Variants in KIF18B observed in about 807,000 individuals in gnomAD.
KIF18B encodes the protein kinesin family member 18B.
A neutral mutation model predicts 80.9 loss-of-function variants in KIF18B; 49 were observed. The observed-to-expected ratio is 0.61, with a 90% CI of 0.48 to 0.77. The LOEUF (loss-of-function observed/expected upper bound fraction) is 0.77. Among genes scored for constraint, KIF18B ranks in the 30% least tolerant of loss-of-function variants. The probability of loss-of-function intolerance (pLI) is 0.00; values close to 1 mark genes in which losing one functional copy is unlikely to be tolerated. For synonymous variants in KIF18B, 439 were observed against 463.9 expected (o/e 0.95, Z 0.69); for missense variants, 994 against 1,127.7 (o/e 0.88, Z 1.70).
chr17:44,928,661 C>T (rs1360970510), intron 12 of KIF18B, 83 bp from the exon 13 acceptor site: 1 of 1,400,598 alleles, frequency 7.1e-7, no homozygotes. Flanking sequence ...CTCAGGTCTC[C>T]TGGGGCCTCT....
intron 1 of KIF18B, among the ~76,000 whole-genome samples, chr17:44,946,214 CTTTT>C (rs1210879489): frequency 6.6e-6 from 1 of 152,080 alleles, no homozygotes; most frequent in African/African-American, 2.4e-5. Context: ...TACATGGATA[CTTTT>C]TTTAACTTCT....
rs375770975 is a variant in KIF18B, at chr17:44,925,825, C to A, written c.*255G>T. On this transcript the variant is annotated 3_prime_UTR_variant, in exon 16 of 16. Transcript: ENST00000593135. The stretch of plus-strand genomic sequence containing the variant: ...ACAAAAACCACCAAAAAACAAAAAA[C>A]AGCAGCACATTAACACTCACAAATG... 1 of 524,368 alleles carries A rather than the reference C, an allele frequency of 1.9e-6. No individual in the cohort carries two copies. Among genetic ancestry groups the A allele is most frequent in the East Asian group, 3.5e-5 (1 of 28,726 alleles). The allele number at this position is 524,368 out of a possible 1,614,324, so 32.5% of individuals were successfully genotyped here. A position where few individuals can be genotyped will look rare whatever the true frequency, so the allele number is the denominator to read the frequency against.
chr17:44,926,953 C>T (rs999360329), intron 14 of KIF18B, 36 bp downstream of exon 14: 9 of 1,562,618 alleles, frequency 5.8e-6, no homozygotes, highest in Middle Eastern at 3.4e-4. Flanking sequence ...AGAGCGAGCT[C>T]CTTCTCCCAG....
chr17:44,936,396 C>T (rs1008984782), intron 1 of KIF18B, 38 bp from the exon 2 acceptor site: 3 of 1,542,636 alleles, frequency 1.9e-6, no homozygotes, highest in African/African-American at 1.4e-5. Context: ...CCAATCCCAC[C>T]CCAGGCCTGA....
At chr17:44,936,598 CTATA>C (rs1218900628) in intron 1 of KIF18B, among the ~76,000 whole-genome samples, 1,559 of 27,594 alleles carry the variant, frequency 0.056, 50 homozygotes, top group Non-Finnish European at 0.067. Context: ...CTCTCTCTCT[CTATA>C]TATATATATA....
At chr17:44,947,077 C>T (rs2052524067) in intron 1 of KIF18B, among the ~76,000 whole-genome samples, 1 of 135,168 alleles carries the variant, frequency 7.4e-6, no homozygotes, top group African/African-American at 2.9e-5. Flanking sequence ...CCATTGCACT[C>T]CAGCCTGGGA....
chr17:44,941,573 A>T (rs1004583948), intron 1 of KIF18B, among the ~76,000 whole-genome samples: 17 of 152,138 alleles, frequency 1.1e-4, no homozygotes, highest in African/African-American at 4.1e-4. Context: ...CCCTGACCTC[A>T]GGTGATCCGC....
chr17:44,935,936 G>T, intron 2 of KIF18B, 96 bp downstream of exon 2: 2 of 1,097,796 alleles, frequency 1.8e-6, no homozygotes, highest in South Asian at 1.4e-5. Context: ...TGCCCAGCTT[G>T]GGGGAGGCGG....
At chr17:44,933,252 G>A (rs376769527) in intron 7 of KIF18B, among the ~76,000 whole-genome samples, 3 of 152,138 alleles carry the variant, frequency 2.0e-5, no homozygotes, top group East Asian at 3.9e-4. Flanking sequence ...CCTGGGGGGA[G>A]GGAGGAAGAG....
In KIF18B at chr17:44,926,184, G is replaced by C. The variant is rs1190854306; in HGVS notation, c.2455C>G (p.Leu819Val). 6.2e-7 allele frequency: 1 copy of C among 1,613,868 alleles called. No homozygotes were observed. The highest frequency in any genetic ancestry group is 1.7e-5 in the Admixed American group (1 of 60,008). Reference protein sequence around the residue: ...RPAGPLVLPELPLSPLCPSNR... With the variant: ...RPAGPLVLPEVPLSPLCPSNR... ...CTAGGGCACAGGGGACTCAAGGGCA[G>C]CTCTGCAGGCCAGTTGGATGGGTGG... Residue 819 changes from leucine to valine, a missense_variant and splice_region_variant, in exon 16 of 16, where the codon CTG becomes GTG. Transcript: ENST00000593135.
At chr17:44,926,880 C>T (rs913511028) in intron 14 of KIF18B, 109 bp downstream of exon 14, 36 of 939,488 alleles carry the variant, frequency 3.8e-5, no homozygotes, top group South Asian at 1.4e-4. Context: ...CTGCTTGCTC[C>T]GGGGGTGTAG....
At chr17:44,932,650 C>G in intron 9 of KIF18B, 23 bp downstream of exon 9, 1 of 1,379,866 alleles carries the variant, frequency 7.2e-7, no homozygotes. Flanking sequence ...AGGGTGGGGG[C>G]GGGAATGGGC....
chr17:44,942,087 T>C (rs2052432126), intron 1 of KIF18B, among the ~76,000 whole-genome samples: 2 of 152,150 alleles, frequency 1.3e-5, no homozygotes, highest in Non-Finnish European at 2.9e-5. Flanking sequence ...CAATGTCGCA[T>C]CAGCTTCCCT....
Position 44,935,266 on chromosome 17 carries a change from T to G in KIF18B, c.464A>C (p.Tyr155Ser). Residue 155 changes from tyrosine to serine, a missense_variant, in exon 3 of 16, where the codon TAC (tyrosine) becomes TCC (serine). Transcript: ENST00000593135. ...QEKHFEVLIS[Y>S]QEVYNEQIHD... Reference sequence around the variant, plus strand: ...AGGGCAGGGGCAGCCGACCTCCTGGTAGCTGATGAGCACCTCGAAGTGCTT... The same window carrying G: ...AGGGCAGGGGCAGCCGACCTCCTGGGAGCTGATGAGCACCTCGAAGTGCTT... 1 of 1,605,072 alleles carries G rather than the reference T, an allele frequency of 6.2e-7. No individual in the cohort carries two copies. The highest frequency in any genetic ancestry group is 8.5e-7 in the Non-Finnish European group (1 of 1,174,696).
chr17:44,936,555 ACTCTCTCTCTCTCTCTCT>A (rs59137224), intron 1 of KIF18B, among the ~76,000 whole-genome samples, 197 bp from the exon 2 acceptor site: 31 of 37,222 alleles, frequency 8.3e-4, no homozygotes, highest in Admixed American at 3.8e-3. Context: ...TACTCAAATG[ACTCTCTCTCTCTCTCTCT>A]CTCTCTCTCT....
intron 2 of KIF18B, 75 bp from the exon 3 acceptor site, chr17:44,935,491 C>T: frequency 1.4e-6 from 2 of 1,454,144 alleles, no homozygotes; most frequent in East Asian, 2.4e-5. Flanking sequence ...TCCCTCAAGC[C>T]CCTTTCCTTT....
chr17:44,932,480 G>A (rs1439569286), intron 9 of KIF18B, 193 bp downstream of exon 9: 2 of 596,656 alleles, frequency 3.4e-6, no homozygotes, highest in Non-Finnish European at 5.9e-6. Context: ...ACGGGCTGGG[G>A]TGCCATTTAC....
intron 1 of KIF18B, among the ~76,000 whole-genome samples, chr17:44,943,130 C>T (rs574101238): frequency 4.6e-5 from 7 of 152,076 alleles, no homozygotes; most frequent in East Asian, 3.9e-4. Context: ...GGGAGAGTCT[C>T]GCTCTGTCGA....
At chr17:44,946,333 G>T (rs1050169380) in intron 1 of KIF18B, among the ~76,000 whole-genome samples, 1 of 152,094 alleles carries the variant, frequency 6.6e-6, no homozygotes, top group Non-Finnish European at 1.5e-5. Context: ...ACTCTCTAGA[G>T]GTAGGGAAAT....
Sources: gnomAD v4.1 joint callset for allele counts (sites outside exome capture counted in the v4.1 genomes callset) on GRCh38, gnomAD v4.1.1 for gene constraint, MANE v1.5 for transcripts, NCBI Gene and HGNC (gene_info 2026-07-23, HGNC 2026-07-21) for gene names.